The following CAPS2 variants were observed in gnomAD, a reference collection of about 807,000 sequenced individuals.
The protein encoded by CAPS2 is calcyphosine 2.
CAPS2 carries 98 observed loss-of-function variants against 86.5 expected under a neutral mutation model. That is an observed-to-expected ratio of 1.13 (90% CI 0.96 to 1.34). The LOEUF (loss-of-function observed/expected upper bound fraction) is 1.34. CAPS2 is among the 40% of genes most tolerant of loss of function. The pLI is 0.00. For synonymous variants in CAPS2, 210 were observed against 225.1 expected (o/e 0.93, Z 0.60); for missense variants, 729 against 686.8 (o/e 1.06, Z -0.69).
intron 1 of CAPS2, among the ~76,000 whole-genome samples, chr12:75,352,831 A>G (rs765969148): frequency 1.1e-4 from 17 of 152,194 alleles, no homozygotes; most frequent in Non-Finnish European, 2.2e-4. Flanking sequence ...TTAGAACTCA[A>G]TATTAAGAAA....
rs748198547 is a variant in CAPS2, at chr12:75,313,179, C to T, written c.592-264G>A. On this transcript the variant is annotated intron_variant, in intron 6 of 16. Coordinates refer to ENST00000393284, the Ensembl canonical transcript of CAPS2. ...AATCATCAGAATTTTCATGAGCTGC[C>T]TTTGCATTTTATGGAGCAGACTAAA... 3.3e-4 allele frequency among the ~76,000 whole-genome samples: 50 copies of T among 152,202 alleles called. No homozygotes were observed. The Middle Eastern group carries it at 0.021, about 63-fold the overall frequency.
chr12:75,305,798 T>C (rs2038403065), intron 7 of CAPS2: 7 of 736,190 alleles, frequency 9.5e-6, no homozygotes, highest in African/African-American at 1.7e-5. Flanking sequence ...CGTCGGCAGC[T>C]ACAATTAGTG....
chr12:75,290,411 A>T (rs1260772297), intron 13 of CAPS2, among the ~76,000 whole-genome samples: 1 of 152,208 alleles, frequency 6.6e-6, no homozygotes, highest in Admixed American at 6.6e-5. Context: ...TAACTTTACT[A>T]AAGCAGTTAT....
upstream of CAPS2, among the ~76,000 whole-genome samples, chr12:75,331,450 CTG>C (rs2041295673): frequency 6.6e-6 from 1 of 152,124 alleles, no homozygotes; most frequent in Non-Finnish European, 1.5e-5. Flanking sequence ...TGTAATCACT[CTG>C]TATTTTTCTG....
intron 13 of CAPS2, among the ~76,000 whole-genome samples, chr12:75,291,503 A>C (rs2035868663): frequency 1.8e-5 from 2 of 111,474 alleles, no homozygotes; most frequent in Non-Finnish European, 3.7e-5. Context: ...ATATATATAT[A>C]TATATATATA....
chr12:75,287,871 T>A (rs1195902929), intron 14 of CAPS2, among the ~76,000 whole-genome samples: 1 of 152,126 alleles, frequency 6.6e-6, no homozygotes, highest in Non-Finnish European at 1.5e-5. Context: ...TGACCGGTGC[T>A]CTATGCAGAG....
At chr12:75,310,490 A>T (rs1593438735) in intron 7 of CAPS2, among the ~76,000 whole-genome samples, 1 of 152,332 alleles carries the variant, frequency 6.6e-6, no homozygotes, top group East Asian at 1.9e-4. Context: ...CAGAACAGGG[A>T]TAAGTCAAAT....
intron 1 of CAPS2, among the ~76,000 whole-genome samples, chr12:75,386,231 G>A (rs146661253): frequency 4.5e-4 from 68 of 152,256 alleles, no homozygotes; most frequent in African/African-American, 1.6e-3. Context: ...AAGGTTGCAG[G>A]ACTAACACTA....
chr12:75,387,576 G>GT (rs1255624386), intron 1 of CAPS2, among the ~76,000 whole-genome samples: 1 of 152,148 alleles, frequency 6.6e-6, no homozygotes, highest in Non-Finnish European at 1.5e-5. Flanking sequence ...CTGAAACTGA[G>GT]TAAGTTATAA....
rs556550515 is a variant in CAPS2 at position 75,357,605 on chromosome 12, T to C, written c.-395+33233A>G. Among the ~76,000 whole-genome samples the C allele has an allele frequency of 2.0e-5, 3 of 152,240 alleles. No homozygotes were observed. The South Asian group carries it at 6.2e-4, about 32-fold the overall frequency. On this transcript the variant is annotated intron_variant, in intron 1 of 5. Coordinates refer to the CAPS2 transcript ENST00000551829. ...ATTTAATAATAAAGACCACATGCTATGTCATAAAACAGATCTTGATACATT... is the reference window on the plus strand; with the variant it reads ...ATTTAATAATAAAGACCACATGCTACGTCATAAAACAGATCTTGATACATT...
intron 7 of CAPS2, chr12:75,305,583 A>G: frequency 1.6e-6 from 1 of 628,378 alleles, no homozygotes; most frequent in Non-Finnish European, 3.0e-6. Flanking sequence ...GCCCTCCTCC[A>G]GACCCGACCA....
chr12:75,366,157 T>C (rs1440055203), intron 1 of CAPS2, among the ~76,000 whole-genome samples: 2 of 152,188 alleles, frequency 1.3e-5, no homozygotes, highest in Non-Finnish European at 1.5e-5. Context: ...TTATGACTAC[T>C]CTTAACTTTA....
At chr12:75,366,644 C>CTT (rs35880250) in intron 1 of CAPS2, among the ~76,000 whole-genome samples, 18 of 147,610 alleles carry the variant, frequency 1.2e-4, no homozygotes, top group Middle Eastern at 7.0e-3. Context: ...TTGTTGCCTA[C>CTT]TTTTTTTTTT....
At chr12:75,282,447 C>A in intron 15 of CAPS2, 100 bp from the exon 16 acceptor site, 1 of 771,208 alleles carries the variant, frequency 1.3e-6, no homozygotes, top group Admixed American at 1.9e-5. Context: ...AGTGCAATGG[C>A]GTGATCTCAG....
chr12:75,380,510 A>C, intron 1 of CAPS2, among the ~76,000 whole-genome samples: 1 of 151,764 alleles, frequency 6.6e-6, no homozygotes, highest in Middle Eastern at 3.2e-3. Flanking sequence ...GATTATTATA[A>C]GAATAACTCA....
Position 75,354,733 on chromosome 12 carries a change from T to G in CAPS2, c.-394-31511A>C, listed in dbSNP as rs189548793. The stretch of plus-strand genomic sequence containing the variant: ...CACACTACCTGACTTCAAACTACAC[T>G]ACAAGGCTACAGTAACCAAAACAGC... On this transcript the variant is annotated intron_variant, in intron 1 of 5. Coordinates refer to the CAPS2 transcript ENST00000551829. 7.2e-5 allele frequency among the ~76,000 whole-genome samples: 11 copies of G among 152,222 alleles called. No homozygotes were observed. The East Asian group carries it at 2.1e-3, about 29-fold the overall frequency.
upstream of CAPS2, chr12:75,329,861 C>T (rs1241699247): frequency 3.2e-6 from 5 of 1,543,120 alleles, no homozygotes; most frequent in Non-Finnish European, 4.4e-6. Flanking sequence ...ATTCCCCATC[C>T]CCTACCTAAC....
intron 1 of CAPS2, among the ~76,000 whole-genome samples, chr12:75,344,506 GTT>G (rs1361773375): frequency 6.6e-6 from 1 of 151,742 alleles, no homozygotes; most frequent in Non-Finnish European, 1.5e-5. Context: ...TACCTAATAT[GTT>G]TTCTCTTTCA....
exon 17 of CAPS2, chr12:75,278,583 TA>T: frequency 9.7e-7 from 1 of 1,031,990 alleles, no homozygotes; most frequent in Non-Finnish European, 1.2e-6. Flanking sequence ...CTGAAGTTAA[TA>T]AAAAATGACC....
Sources: allele counts gnomAD v4.1 joint callset (sites outside exome capture counted in the v4.1 genomes callset), GRCh38; gene constraint gnomAD v4.1.1; transcripts MANE v1.5; gene names NCBI Gene and HGNC (gene_info 2026-07-23, HGNC 2026-07-21).